The following ELAVL4 variants were observed in gnomAD, a reference collection of about 807,000 sequenced individuals.
ELAVL4 encodes the protein ELAV like RNA binding protein 4.
A neutral mutation model predicts 35.6 loss-of-function variants in ELAVL4; 1 was observed. That is an observed-to-expected ratio of 0.03 (90% confidence interval 0.01 to 0.13). ELAVL4 has a LOEUF of 0.13. Among genes scored for constraint, ELAVL4 ranks in the 10% least tolerant of loss-of-function variants. The pLI, the probability that ELAVL4 is intolerant of heterozygous loss-of-function variation, is 1.00. For missense variants in ELAVL4, 267 were observed against 464.9 expected (o/e 0.57, Z 3.91); for synonymous variants, 156 against 171.0 (o/e 0.91, Z 0.69).
At chr1:50,162,275 T>C (rs1676930525) in intron 2 of ELAVL4, among the ~76,000 whole-genome samples, 1 of 152,204 alleles carries the variant, frequency 6.6e-6, no homozygotes, top group South Asian at 2.1e-4. Context: ...CATCCATCCA[T>C]TCAACATAGA....
chr1:50,078,132 GTGTGTGTGTGTA>G (rs890170765), intron 1 of ELAVL4, among the ~76,000 whole-genome samples: 5 of 151,724 alleles, frequency 3.3e-5, no homozygotes, highest in African/African-American at 4.9e-5. Flanking sequence ...GTGTGTGTGT[GTGTGTGTGTGTA>G]TATAGTATTT....
intron 6 of ELAVL4, 29 bp downstream of exon 6, chr1:50,197,496 G>T: frequency 6.4e-7 from 1 of 1,553,074 alleles, no homozygotes; most frequent in Non-Finnish European, 8.7e-7. Context: ...ATTGCCAGAT[G>T]TCCATGTTGG....
At chr1:50,130,829 G>A (rs911470295) in intron 1 of ELAVL4, among the ~76,000 whole-genome samples, 4 of 152,072 alleles carry the variant, frequency 2.6e-5, no homozygotes, top group Admixed American at 6.6e-5. Context: ...GCTAACTTCA[G>A]TTTGGGGGAG....
At chr1:50,053,909 A>G (rs1382992056) in intron 1 of ELAVL4, among the ~76,000 whole-genome samples, 1 of 152,204 alleles carries the variant, frequency 6.6e-6, no homozygotes, top group Non-Finnish European at 1.5e-5. Context: ...CCTCACTGGT[A>G]AGTGATATTT....
In ELAVL4 at chr1:50,133,796, G is replaced by A. The variant is rs1330771317; in HGVS notation, c.10-11161G>A. ...CATGAATGAACATGTAGCTATATGA[G>A]GCTATATGAATTGTCCATGAGTATA... On this transcript the variant is annotated intron_variant, in intron 1 of 6. Coordinates refer to ENST00000371824, the MANE Select transcript of ELAVL4 (RefSeq NM_001144774.3). 2.0e-5 allele frequency among the ~76,000 whole-genome samples: 3 copies of A among 152,066 alleles called. No individual in the cohort carries two copies. In the East Asian group the frequency reaches 5.8e-4, roughly 29 times the overall value.
intron 1 of ELAVL4, among the ~76,000 whole-genome samples, chr1:50,061,913 G>A (rs565759116): frequency 2.0e-5 from 3 of 152,228 alleles, no homozygotes; most frequent in Admixed American, 6.5e-5. Context: ...TAAATCTCTT[G>A]CACTTCTGTC....
intron 1 of ELAVL4, among the ~76,000 whole-genome samples, chr1:50,073,196 A>G (rs1422566861): frequency 2.6e-5 from 4 of 152,160 alleles, no homozygotes. Flanking sequence ...TCTACAGAGG[A>G]AGAAACATTC....
chr1:50,062,478 T>C (rs1664041048), intron 1 of ELAVL4, among the ~76,000 whole-genome samples: 1 of 152,096 alleles, frequency 6.6e-6, no homozygotes, highest in South Asian at 2.1e-4. Flanking sequence ...CCCTCTGCAC[T>C]TACCATACCA....
At chr1:50,196,787 A>C (rs1644087436) in intron 5 of ELAVL4, among the ~76,000 whole-genome samples, 1 of 152,238 alleles carries the variant, frequency 6.6e-6, no homozygotes, top group Non-Finnish European at 1.5e-5. Flanking sequence ...TAATGGTGGA[A>C]ACTATCGTTA....
At chr1:50,071,172 T>C (rs757408308) in intron 1 of ELAVL4, among the ~76,000 whole-genome samples, 24 of 152,232 alleles carry the variant, frequency 1.6e-4, no homozygotes, top group Non-Finnish European at 3.1e-4. Flanking sequence ...CCCTCCATCA[T>C]TCTGCCTATC....
intron 1 of ELAVL4, among the ~76,000 whole-genome samples, chr1:50,137,924 T>C (rs1479415855): frequency 6.6e-6 from 1 of 152,212 alleles, no homozygotes; most frequent in African/African-American, 2.4e-5. Flanking sequence ...GGGATTACCA[T>C]GCCAGGAATA....
chr1:50,081,583 T>C (rs1036926900), intron 1 of ELAVL4, among the ~76,000 whole-genome samples: 4 of 152,264 alleles, frequency 2.6e-5, no homozygotes, highest in African/African-American at 9.6e-5. Context: ...GTGATGCTAA[T>C]GGATGTAGCC....
rs1161602082 is a variant in ELAVL4 at position 50,138,344 on chromosome 1, G to A, written c.10-6613G>A. Among the ~76,000 whole-genome samples the A allele has an allele frequency of 2.0e-5, 3 of 152,152 alleles. No individual in the cohort carries two copies. In the East Asian group the frequency reaches 5.8e-4, roughly 29 times the overall value. On this transcript the variant is annotated intron_variant, in intron 1 of 6. Coordinates refer to ENST00000371824, the MANE Select transcript of ELAVL4 (RefSeq NM_001144774.3). Reference sequence around the variant, plus strand: ...AGTGAACATAAAATGCTGTTTGAGTGTACATTTTTCTGAGGATATAGGGCC... The same window carrying A: ...AGTGAACATAAAATGCTGTTTGAGTATACATTTTTCTGAGGATATAGGGCC...
At chr1:50,068,746 G>A (rs894399668) in intron 1 of ELAVL4, among the ~76,000 whole-genome samples, 2 of 152,164 alleles carry the variant, frequency 1.3e-5, no homozygotes, top group Non-Finnish European at 2.9e-5. Flanking sequence ...GAAATATACG[G>A]ATAAGTTAAG....
intron 1 of ELAVL4, among the ~76,000 whole-genome samples, chr1:50,056,263 A>G (rs1352721748): frequency 6.6e-6 from 1 of 152,182 alleles, no homozygotes; most frequent in Non-Finnish European, 1.5e-5. Flanking sequence ...TGTATTACTA[A>G]TAAGAGTTTT....
chr1:50,137,458 G>C (rs182885770), intron 1 of ELAVL4, among the ~76,000 whole-genome samples: 85 of 151,916 alleles, frequency 5.6e-4, no homozygotes, highest in African/African-American at 1.8e-3. Flanking sequence ...AGGATCACTT[G>C]AGCCCAGGAG....
At chr1:50,195,495 T>C (rs1226415350) in intron 4 of ELAVL4, 66 bp from the exon 5 acceptor site, 13 of 1,569,746 alleles carry the variant, frequency 8.3e-6, no homozygotes, top group Non-Finnish European at 1.1e-5. Flanking sequence ...AGGACCCATC[T>C]CTTCCCAAAG....
chr1:50,062,982 G>A (rs763052272), intron 1 of ELAVL4, among the ~76,000 whole-genome samples: 4 of 152,080 alleles, frequency 2.6e-5, no homozygotes, highest in Non-Finnish European at 5.9e-5. Flanking sequence ...TCACACAGTG[G>A]TGAACAAAAA....
At chr1:50,126,860 G>A (rs1030499105) in intron 1 of ELAVL4, among the ~76,000 whole-genome samples, 2 of 152,006 alleles carry the variant, frequency 1.3e-5, no homozygotes, top group South Asian at 2.1e-4. Flanking sequence ...ATTTGTCAAT[G>A]CACTTTTTGT....
Sources: allele counts gnomAD v4.1 joint callset (sites outside exome capture counted in the v4.1 genomes callset), GRCh38; gene constraint gnomAD v4.1.1; transcripts MANE v1.5; gene names NCBI Gene and HGNC (gene_info 2026-07-23, HGNC 2026-07-21).